The following TSHZ2 variants were observed in gnomAD, a reference collection of about 807,000 sequenced individuals.
TSHZ2 encodes teashirt zinc finger homeobox 2, also known as teashirt homolog 2.
TSHZ2 carries 21 observed loss-of-function variants against 74.4 expected under a neutral mutation model. That is an observed-to-expected ratio of 0.28 (90% CI 0.20 to 0.41). TSHZ2 has a LOEUF of 0.41. Ranked by LOEUF, TSHZ2 falls within the 10% of genes least tolerant of loss-of-function variation. The probability of loss-of-function intolerance (pLI) is 1.00; values close to 1 mark genes in which losing one functional copy is unlikely to be tolerated. For synonymous variants in TSHZ2, 540 were observed against 515.3 expected (o/e 1.05, Z -0.65); for missense variants, 1,244 against 1,293.5 (o/e 0.96, Z 0.59).
At chr20:53,444,256 T>G (rs991927021) in intron 2 of TSHZ2, among the ~76,000 whole-genome samples, 1 of 152,176 alleles carries the variant, frequency 6.6e-6, no homozygotes, top group Non-Finnish European at 1.5e-5. Flanking sequence ...TCTAGCATAT[T>G]CTGGAAACTC....
At chr20:52,984,850 G>T in intron 1 of TSHZ2, among the ~76,000 whole-genome samples, 1 of 152,260 alleles carries the variant, frequency 6.6e-6, no homozygotes, top group African/African-American at 2.4e-5. Flanking sequence ...TTGCAGGCAG[G>T]GTGCTAGTGA....
chr20:53,309,370 G>A (rs1488569169), intron 2 of TSHZ2, among the ~76,000 whole-genome samples: 4 of 151,898 alleles, frequency 2.6e-5, no homozygotes, highest in Non-Finnish European at 5.9e-5. Context: ...AGCATGCAAA[G>A]CCTTTCACTG....
At chr20:53,114,098 GAAA>G (rs3971634) in intron 1 of TSHZ2, among the ~76,000 whole-genome samples, 6 of 120,488 alleles carry the variant, frequency 5.0e-5, no homozygotes, top group Non-Finnish European at 8.9e-5. Flanking sequence ...TGTCTCTTAT[GAAA>G]AAAAAAAAAA....
rs192282889 is a variant in TSHZ2 at position 53,368,883 on chromosome 20, G to A, written c.*8+112312G>A. On this transcript the variant is annotated intron_variant, in intron 2 of 2. Transcript: ENST00000371497. ...TTCTCAGAGAGTTCTTATTATAGTG[G>A]GGATAGACAGACAATAAACAAATAA... Among the ~76,000 whole-genome samples, 7 of 152,244 alleles carry A rather than the reference G, an allele frequency of 4.6e-5. No individual in the cohort carries two copies. The East Asian group carries it at 1.4e-3, about 29-fold the overall frequency.
intron 1 of TSHZ2, among the ~76,000 whole-genome samples, chr20:53,007,597 A>G (rs903318410): frequency 2.6e-5 from 4 of 151,970 alleles, no homozygotes; most frequent in African/African-American, 9.7e-5. Context: ...TCCAAGAAAG[A>G]AATGTGTGTT....
At chr20:53,460,352 C>T (rs1159783684) in intron 2 of TSHZ2, among the ~76,000 whole-genome samples, 1 of 152,218 alleles carries the variant, frequency 6.6e-6, no homozygotes, top group Admixed American at 6.5e-5. Context: ...GCTCCTGAGG[C>T]TTCTGCATTC....
At position 53,074,521 on chromosome 20, in the gene TSHZ2, G is replaced by C. The variant is rs1250897620; in HGVS notation, c.40+101188G>C. Among the ~76,000 whole-genome samples, 3 of 152,156 alleles carry C rather than the reference G, an allele frequency of 2.0e-5. No individual in the cohort carries two copies. Among genetic ancestry groups the C allele is most frequent in the African/African-American group, 4.8e-5 (2 of 41,450 alleles). ...CAAACCAGATTTTTTTAAAGCTTAT[G>C]ATTGTTGGAAAGTTCAAGTATACAC... On this transcript the variant is annotated intron_variant, in intron 1 of 2. Coordinates refer to ENST00000371497, the MANE Select transcript of TSHZ2 (RefSeq NM_173485.6). This position sits in a 1 kb window ranked among gnomAD's most constrained non-coding sequence, Gnocchi z 5.9.
At chr20:53,099,330 G>C (rs900103935) in intron 1 of TSHZ2, among the ~76,000 whole-genome samples, 5 of 152,136 alleles carry the variant, frequency 3.3e-5, no homozygotes, top group Non-Finnish European at 7.3e-5. Flanking sequence ...AGTGCTTGTA[G>C]AGGGCCTTCC....
chr20:53,018,192 A>T (rs891596589), intron 1 of TSHZ2, among the ~76,000 whole-genome samples: 2 of 152,328 alleles, frequency 1.3e-5, no homozygotes, highest in Non-Finnish European at 1.5e-5. Flanking sequence ...CATTTCTTGC[A>T]GCCTCAAGAC....
chr20:53,161,537 C>G (rs897024046), intron 1 of TSHZ2, among the ~76,000 whole-genome samples: 2 of 152,114 alleles, frequency 1.3e-5, no homozygotes, highest in Non-Finnish European at 2.9e-5. Context: ...CTGGGTAGGC[C>G]TCAGGAAACT....
Position 53,254,045 on chromosome 20 carries a change from A to T in TSHZ2, c.587A>T (p.Gln196Leu). The T allele has an allele frequency of 6.2e-7, 1 of 1,614,156 alleles. No homozygotes were observed. Among genetic ancestry groups the T allele is most frequent in the Non-Finnish European group, 8.5e-7 (1 of 1,180,040 alleles). The change falls in exon 2 of 3, where the codon CAG (glutamine) becomes CTG (leucine). Residue 196 changes from glutamine to leucine, a missense_variant. By Grantham distance (113) the Gln-to-Leu change is moderately radical. Coordinates refer to ENST00000371497, the MANE Select transcript of TSHZ2 (RefSeq NM_173485.6). ...VSKPSLFSSV[Q>L]LYRQSSKMCG... is the part of the protein sequence containing the mutation. ...AAACCCAGCCTGTTCAGCTCGGTGCAGTTGTACCGACAGAGCAGCAAGATG... is the reference window on the plus strand; with the variant it reads ...AAACCCAGCCTGTTCAGCTCGGTGCTGTTGTACCGACAGAGCAGCAAGATG...
intron 1 of TSHZ2, among the ~76,000 whole-genome samples, chr20:53,006,811 A>G (rs2122982756): frequency 6.6e-6 from 1 of 152,232 alleles, no homozygotes; most frequent in East Asian, 1.9e-4. Context: ...TTAATCTGTC[A>G]TGTTGGGTGG....
intron 2 of TSHZ2, among the ~76,000 whole-genome samples, chr20:53,450,493 T>C (rs1270453863): frequency 6.6e-6 from 1 of 152,220 alleles, no homozygotes; most frequent in Non-Finnish European, 1.5e-5. Context: ...GCATTATCAC[T>C]AATTTTACTG....
rs182875288 is a variant in TSHZ2, at chr20:53,104,864, A to G, written c.40+131531A>G. On this transcript the variant is annotated intron_variant, in intron 1 of 2. Coordinates refer to ENST00000371497, the MANE Select transcript of TSHZ2 (RefSeq NM_173485.6). ...GAAGCAATTACCGTTGCCCCATCCT[A>G]TTCATGTTTCTGTGCATGTTTGAGG... 1.4e-3 allele frequency among the ~76,000 whole-genome samples: 217 copies of G among 152,278 alleles called. 1 individual carries two copies. The highest frequency in any genetic ancestry group is 2.0e-3 in the Non-Finnish European group (133 of 68,014).
At chr20:52,999,431 C>T (rs573789854) in intron 1 of TSHZ2, among the ~76,000 whole-genome samples, 17 of 152,178 alleles carry the variant, frequency 1.1e-4, no homozygotes, top group African/African-American at 3.9e-4. Flanking sequence ...AACCATAGAG[C>T]CTTTGCCTCC....
At chr20:52,993,752 G>T (rs1982073010) in intron 1 of TSHZ2, among the ~76,000 whole-genome samples, 1 of 152,142 alleles carries the variant, frequency 6.6e-6, no homozygotes, top group Non-Finnish European at 1.5e-5. Flanking sequence ...CAAGGGGAAG[G>T]GCTTCCTATA....
At chr20:53,453,579 G>T (rs1201954923) in intron 2 of TSHZ2, among the ~76,000 whole-genome samples, 3 of 152,138 alleles carry the variant, frequency 2.0e-5, no homozygotes, top group Non-Finnish European at 4.4e-5. Context: ...AATGTCCAGG[G>T]TATCTTAATT....
Position 53,125,616 on chromosome 20 carries a change from G to C in TSHZ2, c.41-127883G>C, listed in dbSNP as rs776428795. Among the ~76,000 whole-genome samples the C allele has an allele frequency of 2.0e-5, 3 of 152,064 alleles. No individual in the cohort carries two copies. The East Asian group carries it at 5.8e-4, about 29-fold the overall frequency. ...GTTCTTAAGTATTTTATACTATCAG[G>C]CAACCCCCCGGTGATCTGCTGACAC... On this transcript the variant is annotated intron_variant, in intron 1 of 2. Transcript: ENST00000371497.
intron 2 of TSHZ2, among the ~76,000 whole-genome samples, chr20:53,431,677 TAAAC>T (rs950759376): frequency 3.3e-5 from 5 of 152,122 alleles, no homozygotes; most frequent in Admixed American, 6.6e-5. Context: ...GAAAATAAGT[TAAAC>T]AAATCCATGG....
Sources: allele counts gnomAD v4.1 joint callset (sites outside exome capture counted in the v4.1 genomes callset), GRCh38; gene constraint gnomAD v4.1.1; non-coding constraint Gnocchi (gnomAD v3.1); transcripts MANE v1.5; gene names NCBI Gene and HGNC (gene_info 2026-07-23, HGNC 2026-07-21).